Variants in GRK3 observed in about 807,000 individuals in gnomAD.
The protein encoded by GRK3 is G protein-coupled receptor kinase 3.
In GRK3, 54 loss-of-function variants were observed where a neutral mutation model predicts 95.7. The ratio of observed to expected loss-of-function variants is 0.56; its 90% CI spans 0.45 to 0.71. The LOEUF (loss-of-function observed/expected upper bound fraction) is 0.71, where lower values mean the gene tolerates loss of function less well. Among genes scored for constraint, GRK3 ranks in the 30% least tolerant of loss-of-function variants. The pLI, the probability that GRK3 is intolerant of heterozygous loss-of-function variation, is 0.00. For synonymous variants in GRK3, 281 were observed against 290.8 expected, an observed-to-expected ratio of 0.97 and a Z score of 0.34; for missense variants, 649 against 851.2, an observed-to-expected ratio of 0.76 and a Z score of 2.96.
intron 2 of GRK3, among the ~76,000 whole-genome samples, chr22:25,627,795 T>C (rs2084638263): frequency 6.6e-6 from 1 of 152,214 alleles, no homozygotes; most frequent in Admixed American, 6.5e-5. Flanking sequence ...AGGCTGTCTA[T>C]TTCAAAGGCC....
Position 25,727,049 on chromosome 22 carries a change from C to T in GRK3, c.*4599C>T, listed in dbSNP as rs1455259914. The T allele has an allele frequency of 6.6e-6, 1 of 152,036 alleles. No individual in the cohort carries two copies. Among genetic ancestry groups the T allele is most frequent in the Non-Finnish European group, 1.5e-5 (1 of 68,092 alleles). 9.4% of individuals were successfully genotyped at this position (152,036 alleles called of 1,614,324 possible). On this transcript the variant is annotated 3_prime_UTR_variant, in exon 21 of 21. Transcript: ENST00000324198. Reference sequence around the variant, plus strand: ...AGTTGGGGACACTGTTACAAATCCACTGAAGTCCTGGTAAAACTGTCAAGA... The same window carrying T: ...AGTTGGGGACACTGTTACAAATCCATTGAAGTCCTGGTAAAACTGTCAAGA...
chr22:25,717,274 C>A (rs1601548812), intron 18 of GRK3, among the ~76,000 whole-genome samples: 1 of 152,090 alleles, frequency 6.6e-6, no homozygotes, highest in South Asian at 2.1e-4. Context: ...CTTGTGGCTA[C>A]CAAGGGATGA....
intron 3 of GRK3, among the ~76,000 whole-genome samples, chr22:25,647,085 A>C (rs1339051540): frequency 6.6e-6 from 1 of 151,904 alleles, no homozygotes; most frequent in African/African-American, 2.4e-5. Context: ...AAAGGAGAGA[A>C]AGATAATTGC....
chr22:25,661,733 C>T, intron 4 of GRK3, 56 bp downstream of exon 4: 1 of 1,107,184 alleles, frequency 9.0e-7, no homozygotes, highest in Non-Finnish European at 1.3e-6. Context: ...GGACCATGTT[C>T]AGCGTTTCCA....
chr22:25,572,515 CTGT>C (rs1185238984), intron 1 of GRK3, among the ~76,000 whole-genome samples: 2 of 152,192 alleles, frequency 1.3e-5, no homozygotes, highest in Non-Finnish European at 2.9e-5. Flanking sequence ...TCTCCAACAC[CTGT>C]TGTTTCCTTT....
intron 1 of GRK3, among the ~76,000 whole-genome samples, chr22:25,582,273 C>A (rs1195352860): frequency 3.3e-5 from 5 of 151,388 alleles, no homozygotes; most frequent in Non-Finnish European, 7.4e-5. Context: ...CAGAGCAATA[C>A]CCTGTCTCAA....
chr22:25,637,695 A>G (rs1569174149), intron 2 of GRK3, among the ~76,000 whole-genome samples: 1 of 152,250 alleles, frequency 6.6e-6, no homozygotes, highest in African/African-American at 2.4e-5. Flanking sequence ...ACCATGCTCC[A>G]AATCTATATA....
At chr22:25,696,692 T>G (rs2085211553) in intron 13 of GRK3, among the ~76,000 whole-genome samples, 1 of 152,252 alleles carries the variant, frequency 6.6e-6, no homozygotes, top group Non-Finnish European at 1.5e-5. Context: ...TAGCACATTC[T>G]GGAGAGAGGC....
At chr22:25,576,040 TC>T (rs1381491494) in intron 1 of GRK3, among the ~76,000 whole-genome samples, 8 of 152,140 alleles carry the variant, frequency 5.3e-5, no homozygotes, top group Non-Finnish European at 8.8e-5. Flanking sequence ...AGTGAGAGCC[TC>T]CCCCTCCCAA....
At chr22:25,645,094 T>C (rs533975165) in intron 3 of GRK3, among the ~76,000 whole-genome samples, 5 of 152,074 alleles carry the variant, frequency 3.3e-5, no homozygotes, top group African/African-American at 1.2e-4. Flanking sequence ...GTGGGGGGTG[T>C]GGTGGGGTGC....
At chr22:25,709,012 T>C (rs2085322627) in intron 15 of GRK3, among the ~76,000 whole-genome samples, 1 of 151,776 alleles carries the variant, frequency 6.6e-6, no homozygotes, top group Non-Finnish European at 1.5e-5. Flanking sequence ...CAAGAAAACT[T>C]GTTTCTTCAA....
chr22:25,604,239 G>T (rs1481913866), intron 1 of GRK3, 138 bp from the exon 2 acceptor site: 7 of 556,298 alleles, frequency 1.3e-5, no homozygotes, highest in Non-Finnish European at 2.1e-5. Flanking sequence ...AGGCTGGTCT[G>T]CATTTCACGC....
At chr22:25,718,410 G>A in intron 19 of GRK3, 29 bp downstream of exon 19, 1 of 1,612,356 alleles carries the variant, frequency 6.2e-7, no homozygotes, top group Non-Finnish European at 8.5e-7. Context: ...CACCGAGCAT[G>A]TTTCCCAGTA....
At chr22:25,598,338 A>T (rs926211256) in intron 1 of GRK3, among the ~76,000 whole-genome samples, 1 of 152,122 alleles carries the variant, frequency 6.6e-6, no homozygotes, top group Admixed American at 6.6e-5. Flanking sequence ...AGAGGAAAAC[A>T]GGAACAAAAT....
chr22:25,647,066 G>A (rs1490645824), intron 3 of GRK3, among the ~76,000 whole-genome samples: 2 of 149,960 alleles, frequency 1.3e-5, no homozygotes, highest in Admixed American at 6.6e-5. Context: ...AAATGAAATG[G>A]CCATCATTAA....
intron 3 of GRK3, among the ~76,000 whole-genome samples, chr22:25,655,710 G>T (rs2084866004): frequency 6.6e-6 from 1 of 152,108 alleles, no homozygotes. Context: ...AGCAAACCCT[G>T]AAGTATCTAC....
intron 8 of GRK3, among the ~76,000 whole-genome samples, chr22:25,677,496 A>G (rs2085041085): frequency 6.6e-6 from 1 of 152,128 alleles, no homozygotes; most frequent in Non-Finnish European, 1.5e-5. Context: ...TTAAATAAAA[A>G]TAAGATATTT....
chr22:25,672,107 T>A (rs1201798897), intron 6 of GRK3, among the ~76,000 whole-genome samples, 189 bp from the exon 7 acceptor site: 1 of 152,202 alleles, frequency 6.6e-6, no homozygotes, highest in Non-Finnish European at 1.5e-5. Flanking sequence ...AAACATGAAA[T>A]CTTTCATTTG....
At chr22:25,702,707 T>C (rs1256399454) in intron 13 of GRK3, 3 of 385,616 alleles carry the variant, frequency 7.8e-6, no homozygotes, top group African/African-American at 6.3e-5. Flanking sequence ...GAGTTATCTT[T>C]ATTAATTTCA....
Sources: allele counts gnomAD v4.1 joint callset (sites outside exome capture counted in the v4.1 genomes callset), GRCh38; gene constraint gnomAD v4.1.1; transcripts MANE v1.5; gene names NCBI Gene and HGNC (gene_info 2026-07-23, HGNC 2026-07-21).